ABLIM1: variants seen among roughly 807,000 people sequenced by gnomAD.
The protein encoded by ABLIM1 is actin-binding LIM protein 1.
A neutral mutation model predicts 107.0 loss-of-function variants in ABLIM1; 40 were observed. The observed-to-expected ratio is 0.37, with a 90% confidence interval of 0.29 to 0.49. The LOEUF is 0.49. Ranked by LOEUF, ABLIM1 falls within the 20% of genes least tolerant of loss-of-function variation. ABLIM1 has a pLI of 0.97. For synonymous variants in ABLIM1, 357 were observed against 357.3 expected, an observed-to-expected ratio of 1.00 and a Z score of 0.01; for missense variants, 857 against 1,008.5, an observed-to-expected ratio of 0.85 and a Z score of 2.04.
intron 1 of ABLIM1, among the ~76,000 whole-genome samples, chr10:114,623,375 C>A (rs1222646638): frequency 1.3e-5 from 2 of 152,208 alleles, no homozygotes; most frequent in Non-Finnish European, 2.9e-5. Flanking sequence ...AGTTTCTTGG[C>A]CACTGGGATC....
chr10:114,598,202 A>G (rs1443069589), intron 2 of ABLIM1, among the ~76,000 whole-genome samples: 8 of 140,744 alleles, frequency 5.7e-5, no homozygotes, highest in Admixed American at 3.2e-4. Context: ...TGAACCCGGA[A>G]GGCGGAGGTT....
At position 114,628,844 on chromosome 10, in the gene ABLIM1, C is replaced by A. The variant is rs1240395890; in HGVS notation, c.245-26883G>T. Reference sequence around the variant, plus strand: ...ATCCCTTTTGTATTCTTAAAACTTGCACTATAACACCCATTAGCTAGACAT... The same window carrying A: ...ATCCCTTTTGTATTCTTAAAACTTGAACTATAACACCCATTAGCTAGACAT... On this transcript the variant is annotated intron_variant, in intron 1 of 22. Transcript: ENST00000533213. Among the ~76,000 whole-genome samples, 3 of 152,108 alleles carry A rather than the reference C, an allele frequency of 2.0e-5. No homozygotes were observed. In the East Asian group the frequency reaches 5.8e-4, roughly 29 times the overall value.
chr10:114,673,850 C>T (rs1361370883), intron 1 of ABLIM1, among the ~76,000 whole-genome samples: 1 of 151,428 alleles, frequency 6.6e-6, no homozygotes, highest in Admixed American at 6.6e-5. Context: ...TTTTTGTTTT[C>T]AATAAAGATG....
At chr10:114,468,565 C>G (rs541268591) in intron 10 of ABLIM1, among the ~76,000 whole-genome samples, 2 of 152,178 alleles carry the variant, frequency 1.3e-5, no homozygotes, top group South Asian at 2.1e-4. Flanking sequence ...TGAGCCACCG[C>G]GCCTGGCCTC....
chr10:114,606,206 T>A (rs1056836358), intron 1 of ABLIM1, among the ~76,000 whole-genome samples: 8 of 152,226 alleles, frequency 5.3e-5, no homozygotes, highest in Non-Finnish European at 1.2e-4. Flanking sequence ...CAGGTAAATA[T>A]CACAAGCCTG....
chr10:114,720,627 G>A (rs538825961), intron 1 of ABLIM1, among the ~76,000 whole-genome samples: 96 of 152,208 alleles, frequency 6.3e-4, no homozygotes, highest in Non-Finnish European at 1.3e-3. Context: ...GGGAAGGAAT[G>A]ACTTCCAGTA....
the ABLIM1 span, among the ~76,000 whole-genome samples, chr10:114,799,982 C>T: frequency 6.6e-6 from 1 of 152,170 alleles, no homozygotes; most frequent in Non-Finnish European, 1.5e-5. Flanking sequence ...GCCATTTTGC[C>T]CAGGCTGGTC....
the ABLIM1 span, among the ~76,000 whole-genome samples, chr10:114,783,297 A>C: frequency 6.6e-6 from 1 of 151,828 alleles, no homozygotes; most frequent in South Asian, 2.1e-4. Flanking sequence ...TAAATAAATA[A>C]ACATAAAAAC....
chr10:114,634,136 T>C lies in ABLIM1; in HGVS notation c.244+23821A>G, dbSNP rs965082714. On this transcript the variant is annotated intron_variant, in intron 1 of 22. Transcript: ENST00000533213. Reference sequence around the variant, plus strand: ...GCCATTAGCTCAATTTTTCTTTTTTTTTTTTTTTTTTTTTGAGACGGAGTC... The same window carrying C: ...GCCATTAGCTCAATTTTTCTTTTTTCTTTTTTTTTTTTTTGAGACGGAGTC... Among the ~76,000 whole-genome samples the C allele has an allele frequency of 6.4e-5, 6 of 93,296 alleles. No individual in the cohort carries two copies. The East Asian group carries it at 1.6e-3, about 25-fold the overall frequency. 61.2% of individuals were successfully genotyped at this position (93,296 alleles called of 152,430 possible). A position where few individuals can be genotyped will look rare whatever the true frequency, so the allele number is the denominator to read the frequency against.
At chr10:114,669,309 AAAACAAAAC>A (rs1382609663) in intron 1 of ABLIM1, among the ~76,000 whole-genome samples, 1 of 152,230 alleles carries the variant, frequency 6.6e-6, no homozygotes, top group Non-Finnish European at 1.5e-5. Context: ...AAGCAGTTTG[AAAACAAAAC>A]AAACAAAACA....
intron 1 of ABLIM1, among the ~76,000 whole-genome samples, chr10:114,668,397 C>T (rs2080112380): frequency 6.6e-6 from 1 of 152,126 alleles, no homozygotes; most frequent in African/African-American, 2.4e-5. Context: ...CCCAGCCAAA[C>T]TGAGGATGGG....
intron 7 of ABLIM1, among the ~76,000 whole-genome samples, chr10:114,490,821 G>T (rs1470707627): frequency 3.4e-5 from 5 of 149,156 alleles, no homozygotes; most frequent in Admixed American, 2.7e-4. Flanking sequence ...TATTTTTTTT[G>T]TCTTTTTTGT....
chr10:114,671,995 T>C (rs912359758), intron 1 of ABLIM1, among the ~76,000 whole-genome samples: 6 of 152,104 alleles, frequency 3.9e-5, no homozygotes, highest in Non-Finnish European at 7.3e-5. Context: ...TCAGAGTAGC[T>C]GAGACTACAG....
the ABLIM1 span, among the ~76,000 whole-genome samples, chr10:114,786,460 G>A: frequency 1.3e-5 from 2 of 152,120 alleles, no homozygotes; most frequent in African/African-American, 2.4e-5. Flanking sequence ...ATTTAGTTTT[G>A]AGCACCTTCA....
intron 4 of ABLIM1, among the ~76,000 whole-genome samples, chr10:114,558,153 C>T (rs1004928022): frequency 2.0e-5 from 3 of 152,114 alleles, no homozygotes; most frequent in Non-Finnish European, 4.4e-5. Flanking sequence ...CCTGGTATTT[C>T]GGTAACCAAT....
intron 1 of ABLIM1, among the ~76,000 whole-genome samples, chr10:114,756,083 A>AGTGAGTGT (rs1555233282): frequency 6.6e-6 from 1 of 150,646 alleles, no homozygotes; most frequent in African/African-American, 2.4e-5. Context: ...TGTGTTTGTG[A>AGTGAGTGT]GTGTGTGTGT....
At chr10:114,487,118 T>C (rs540628190) in intron 8 of ABLIM1, among the ~76,000 whole-genome samples, 2 of 152,292 alleles carry the variant, frequency 1.3e-5, no homozygotes, top group South Asian at 4.1e-4. Context: ...ATTGCATACA[T>C]AGCTTCTGAT....
At chr10:114,786,076 T>C in the ABLIM1 span, among the ~76,000 whole-genome samples, 2,035 of 152,336 alleles carry the variant, frequency 0.013, 54 homozygotes, top group African/African-American at 0.046. Context: ...TTTTTATTCT[T>C]AATACCTGCA....
At chr10:114,468,269 TTTTGTTTG>T (rs746846379) in intron 10 of ABLIM1, 53 bp from the exon 11 acceptor site, 12 of 1,556,496 alleles carry the variant, frequency 7.7e-6, no homozygotes, top group African/African-American at 6.8e-5. Context: ...CTCTTTGCCG[TTTTGTTTG>T]TTTGTTTGTT....
Sources: allele counts gnomAD v4.1 joint callset (sites outside exome capture counted in the v4.1 genomes callset), GRCh38; gene constraint gnomAD v4.1.1; transcripts MANE v1.5; gene names NCBI Gene and HGNC (gene_info 2026-07-23, HGNC 2026-07-21).